The following PCDHA11 variants were observed in gnomAD, a reference collection of about 807,000 sequenced individuals.
The protein encoded by PCDHA11 is protocadherin alpha-11.
A neutral mutation model predicts 70.3 loss-of-function variants in PCDHA11; 61 were observed. The ratio of observed to expected loss-of-function variants is 0.87; its 90% CI spans 0.71 to 1.07. The LOEUF is 1.07. Ranked by LOEUF, PCDHA11 falls within the 50% of genes least tolerant of loss-of-function variation. The probability of loss-of-function intolerance (pLI) is 0.00; values close to 1 mark genes in which losing one functional copy is unlikely to be tolerated. For missense variants in PCDHA11, 1,324 were observed against 1,237.5 expected (o/e 1.07, Z -1.05); for synonymous variants, 633 against 555.1 (o/e 1.14, Z -1.97).
At chr5:140,891,201 T>C (rs1301476369) in intron 1 of PCDHA11, among the ~76,000 whole-genome samples, 3 of 152,214 alleles carry the variant, frequency 2.0e-5, no homozygotes, top group Non-Finnish European at 4.4e-5. Context: ...TTTGCAGTTT[T>C]ACCATGCTGT....
At chr5:140,883,476 A>G (rs782692069) in intron 1 of PCDHA11, 7 of 1,614,082 alleles carry the variant, frequency 4.3e-6, no homozygotes, top group Admixed American at 3.3e-5. Flanking sequence ...ACCTACAAGA[A>G]CTACTACTCA....
At chr5:140,947,140 A>G (rs2094093806) in intron 1 of PCDHA11, among the ~76,000 whole-genome samples, 1 of 151,464 alleles carries the variant, frequency 6.6e-6, no homozygotes, top group Admixed American at 6.6e-5. Context: ...AGTAAAATGT[A>G]TAGTTACTTC....
Position 140,979,718 on chromosome 5 carries a change from T to C in PCDHA11, c.2450+711T>C, listed in dbSNP as rs372148471. Among the ~76,000 whole-genome samples, 17 of 152,388 alleles carry C rather than the reference T, an allele frequency of 1.1e-4. No homozygotes were observed. The East Asian group carries it at 2.7e-3, about 24-fold the overall frequency. On this transcript the variant is annotated intron_variant, in intron 2 of 3. Transcript: ENST00000398640. ...ATTTCTGGAGGTGATCCAGTATCCA[T>C]GCCATGGGGCCAAATAAAAGATTCA...
intron 1 of PCDHA11, chr5:140,966,970 G>A (rs1554228990): frequency 6.2e-7 from 1 of 1,602,870 alleles, no homozygotes; most frequent in Admixed American, 1.7e-5. Flanking sequence ...TGGGGCTTGA[G>A]CTGCGGCGCT....
rs1342551274 is a variant in PCDHA11, at chr5:140,871,604, T to C, written c.2391+110T>C. 4 of 1,443,096 alleles carry C rather than the reference T, an allele frequency of 2.8e-6. No homozygotes were observed. In the African/African-American group the frequency reaches 4.3e-5, roughly 16 times the overall value. The allele number at this position is 1,443,096 out of a possible 1,614,324, so 89.4% of individuals were successfully genotyped here. A position where few individuals can be genotyped will look rare whatever the true frequency, so the allele number is the denominator to read the frequency against. On this transcript the variant is annotated intron_variant, in intron 1 of 3. Coordinates refer to ENST00000398640, the MANE Select transcript of PCDHA11 (RefSeq NM_018902.5). The stretch of plus-strand genomic sequence containing the variant: ...AAAGTTTTATGAATAACCAGTGTTT[T>C]GAATATTGTTTTAGATAACAATGTC...
chr5:140,906,963 G>A (rs150934602), intron 1 of PCDHA11, among the ~76,000 whole-genome samples: 2 of 152,098 alleles, frequency 1.3e-5, no homozygotes, highest in South Asian at 2.1e-4. Flanking sequence ...TAATGGAATC[G>A]TGGTTGTGTC....
At chr5:140,882,072 T>C in intron 1 of PCDHA11, 2 of 861,580 alleles carry the variant, frequency 2.3e-6, no homozygotes, top group South Asian at 1.9e-5. Context: ...TTCATGCGCA[T>C]GGTGTCGCTC....
At chr5:140,987,223 A>C (rs1269747690) in intron 3 of PCDHA11, among the ~76,000 whole-genome samples, 1 of 151,456 alleles carries the variant, frequency 6.6e-6, no homozygotes, top group African/African-American at 2.4e-5. Flanking sequence ...CAAAAAAAAA[A>C]AAAATAATAA....
At position 141,010,922 on chromosome 5, in the gene PCDHA11, A is replaced by G. The variant is rs1263879494; in HGVS notation, c.*985A>G. The G allele has an allele frequency of 5.2e-5, 8 of 153,814 alleles. No homozygotes were observed. Among genetic ancestry groups the G allele is most frequent in the African/African-American group, 1.9e-4 (8 of 41,474 alleles). The allele number at this position is 153,814 out of a possible 1,614,324, so 9.5% of individuals were successfully genotyped here. A position where few individuals can be genotyped will look rare whatever the true frequency, so the allele number is the denominator to read the frequency against. ...TTCCCCTAAACTCTCCTCAAAAGAG[A>G]ATTCAGTCTACAGCCATTTAAATGA... On this transcript the variant is annotated 3_prime_UTR_variant, in exon 4 of 4. Transcript: ENST00000398640.
At position 140,967,262 on chromosome 5, in the gene PCDHA11, C is replaced by T; in HGVS notation, c.2392-11687C>T. ...AAGCGAATCGGTGGCGCCTGGAGCG[C>T]GCTTTCACATAGAGAGTGCGCAGGA... On this transcript the variant is annotated intron_variant, in intron 1 of 3. Transcript: ENST00000398640. The T allele has an allele frequency of 1.9e-6, 3 of 1,613,522 alleles. No homozygotes were observed. In the South Asian group the frequency reaches 3.3e-5, roughly 18 times the overall value.
chr5:140,888,586 C>T (rs1408191600), intron 1 of PCDHA11, among the ~76,000 whole-genome samples: 1 of 152,154 alleles, frequency 6.6e-6, no homozygotes, highest in East Asian at 1.9e-4. Flanking sequence ...TTTGTTAGTA[C>T]ACATTCAGAG....
chr5:140,888,941 TAA>T (rs1361014830), intron 1 of PCDHA11, among the ~76,000 whole-genome samples: 2 of 152,086 alleles, frequency 1.3e-5, no homozygotes, highest in Non-Finnish European at 1.5e-5. Flanking sequence ...GAGGGAGGTA[TAA>T]ATTTTTTCTT....
intron 1 of PCDHA11, among the ~76,000 whole-genome samples, chr5:140,936,024 C>T (rs536876826): frequency 1.4e-4 from 22 of 151,890 alleles, no homozygotes; most frequent in African/African-American, 4.6e-4. Flanking sequence ...TCCCGAGTAG[C>T]GGGGATTACA....
intron 1 of PCDHA11, among the ~76,000 whole-genome samples, chr5:140,903,921 G>C (rs1282440912): frequency 6.6e-6 from 1 of 152,198 alleles, no homozygotes; most frequent in African/African-American, 2.4e-5. Flanking sequence ...CTTCCTTGCT[G>C]CATTGGATAA....
intron 3 of PCDHA11, among the ~76,000 whole-genome samples, chr5:140,998,792 G>A (rs747824792): frequency 6.6e-6 from 1 of 152,156 alleles, no homozygotes; most frequent in Non-Finnish European, 1.5e-5. Flanking sequence ...TGGAACCCCT[G>A]ACCTCAGGTG....
chr5:140,877,811 G>T (rs1256619106), intron 1 of PCDHA11: 1 of 1,610,242 alleles, frequency 6.2e-7, no homozygotes, highest in Non-Finnish European at 8.5e-7. Flanking sequence ...CAGCTGTCTC[G>T]AGAAGATTGT....
chr5:140,967,112 C>T (rs1338076103), intron 1 of PCDHA11: 4 of 1,612,876 alleles, frequency 2.5e-6, no homozygotes, highest in East Asian at 2.2e-5. Flanking sequence ...GCAGCGGCCT[C>T]GCTGCCTGCT....
intron 1 of PCDHA11, among the ~76,000 whole-genome samples, chr5:140,903,774 C>A (rs1466112745): frequency 6.6e-6 from 1 of 152,122 alleles, no homozygotes; most frequent in African/African-American, 2.4e-5. Context: ...ACTTTTCTAT[C>A]CATAAACTAT....
At chr5:140,928,808 G>A (rs782344407) in intron 1 of PCDHA11, 3 of 1,614,062 alleles carry the variant, frequency 1.9e-6, no homozygotes, top group Non-Finnish European at 2.5e-6. Flanking sequence ...GTAGTGGTTC[G>A]GGACCATGGA....
Sources: allele counts gnomAD v4.1 joint callset (sites outside exome capture counted in the v4.1 genomes callset), GRCh38; gene constraint gnomAD v4.1.1; transcripts MANE v1.5; gene names NCBI Gene and HGNC (gene_info 2026-07-23, HGNC 2026-07-21).